MPDZ: variants seen among roughly 807,000 people sequenced by gnomAD.
MPDZ encodes multiple PDZ domain protein.
Under a neutral mutation model 239.1 loss-of-function variants are expected in MPDZ, and 234 were observed. The ratio of observed to expected loss-of-function variants is 0.98; its 90% CI spans 0.88 to 1.09. The LOEUF is 1.09. Ranked by LOEUF, MPDZ falls within the 50% of genes least tolerant of loss-of-function variation. The pLI, the probability that MPDZ is intolerant of heterozygous loss-of-function variation, is 0.00. For synonymous variants in MPDZ, 1,048 were observed against 881.3 expected (o/e 1.19, Z -3.35); for missense variants, 3,175 against 2,510.0 (o/e 1.26, Z -5.66).
intron 27 of MPDZ, among the ~76,000 whole-genome samples, chr9:13,141,539 A>C (rs191059285): frequency 6.6e-6 from 1 of 152,198 alleles, no homozygotes; most frequent in Non-Finnish European, 1.5e-5. Context: ...TTTTTACTGC[A>C]TAAGAATTCC....
At chr9:13,234,904 G>T (rs979312528) in intron 3 of MPDZ, among the ~76,000 whole-genome samples, 1 of 151,938 alleles carries the variant, frequency 6.6e-6, no homozygotes, top group African/African-American at 2.4e-5. Context: ...CAAAAATGCT[G>T]TAAAACACTC....
chr9:13,124,618 G>A (rs1944854041), intron 35 of MPDZ, among the ~76,000 whole-genome samples: 1 of 152,232 alleles, frequency 6.6e-6, no homozygotes, highest in South Asian at 2.1e-4. Context: ...ACACATTAAA[G>A]TGTCACCCTA....
chr9:13,127,143 G>A (rs1945240698), intron 32 of MPDZ, among the ~76,000 whole-genome samples: 2 of 152,128 alleles, frequency 1.3e-5, no homozygotes, highest in South Asian at 2.1e-4. Flanking sequence ...AAAGAATCCC[G>A]CTTCTTCTCT....
At chr9:13,156,260 C>T (rs944554526) in intron 24 of MPDZ, among the ~76,000 whole-genome samples, 1 of 152,164 alleles carries the variant, frequency 6.6e-6, no homozygotes, top group Non-Finnish European at 1.5e-5. Context: ...TAGAAAGTAT[C>T]AGAGCCAAAA....
At chr9:13,248,485 G>A (rs772281917) in intron 2 of MPDZ, among the ~76,000 whole-genome samples, 2 of 151,876 alleles carry the variant, frequency 1.3e-5, no homozygotes, top group African/African-American at 4.8e-5. Context: ...GCATACTTAC[G>A]CCAGACAGTT....
At position 13,172,559 on chromosome 9, in the gene MPDZ, G is replaced by A. The variant is rs1010327884; in HGVS notation, c.3055+3193C>T. Among the ~76,000 whole-genome samples, 13 of 151,996 alleles carry A rather than the reference G, an allele frequency of 8.6e-5. No homozygotes were observed. In the South Asian group the frequency reaches 2.3e-3, roughly 27 times the overall value. On this transcript the variant is annotated intron_variant, in intron 21 of 46. Transcript: ENST00000319217. ...CACCACCACGCTCAGCTAATTTTTTGTATTTTCAGTAGAGACGGGGTTTCG... is the reference window on the plus strand; with the variant it reads ...CACCACCACGCTCAGCTAATTTTTTATATTTTCAGTAGAGACGGGGTTTCG...
chr9:13,189,072 C>A, intron 16 of MPDZ, 79 bp from the exon 17 acceptor site: 1 of 1,216,228 alleles, frequency 8.2e-7, no homozygotes, highest in Non-Finnish European at 1.1e-6. Flanking sequence ...TAAATCGTAA[C>A]GAATGAGTAA....
Position 13,110,656 on chromosome 9 carries a change from A to C in MPDZ, c.5809T>G (p.Ser1937Ala). Reference protein sequence around the residue: ...TQAVNLLKNASGSIEMQVVAG... With the variant: ...TQAVNLLKNAAGSIEMQVVAG... ...CTTACCTGCATTTCAATGGAGCCAG[A>C]TGCATTTTTCAGTAGGTTAACTGCT... Residue 1937 changes from serine (S) to alanine (A), a missense_variant, in exon 44 of 47, where the codon TCT becomes GCT. Physicochemically the swap from Ser to Ala is moderately conservative, Grantham distance 99. Coordinates refer to ENST00000319217, the MANE Select transcript of MPDZ (RefSeq NM_001378778.1). 2 of 1,613,636 alleles carry C rather than the reference A, an allele frequency of 1.2e-6. No homozygotes were observed. The highest frequency in any genetic ancestry group is 1.7e-6 in the Non-Finnish European group (2 of 1,179,690).
At chr9:13,122,217 G>T in intron 36 of MPDZ, 47 bp from the exon 37 acceptor site, 1 of 1,560,076 alleles carries the variant, frequency 6.4e-7, no homozygotes, top group Non-Finnish European at 8.8e-7. Context: ...ATTCTCCTAG[G>T]AATGGTGAGC....
intron 21 of MPDZ, among the ~76,000 whole-genome samples, chr9:13,173,508 A>G (rs949738318): frequency 3.3e-5 from 5 of 151,732 alleles, no homozygotes; most frequent in East Asian, 1.9e-4. Flanking sequence ...TTCAAGACCA[A>G]CCTGGGCAAC....
chr9:13,205,088 TTCA>T lies in MPDZ; in HGVS notation c.1491_1493del (p.Asp497del), dbSNP rs756589652. ...TGTTTCTCGTCGAAGATAAAAAATCTTCATCTTTTTCATAATTTTCTTAAAGAT... is the reference window on the plus strand; with the variant it reads ...TGTTTCTCGTCGAAGATAAAAAATCTTCTTTTTCATAATTTTCTTAAAGAT... On this transcript the variant is annotated inframe_deletion, in exon 12 of 47. Transcript: ENST00000319217. The T allele has an allele frequency of 1.0e-5, 15 of 1,437,212 alleles. No homozygotes were observed. In the African/African-American group the frequency reaches 1.5e-4, roughly 14 times the overall value. The allele number at this position is 1,437,212 out of a possible 1,614,324, so 89.0% of individuals were successfully genotyped here.
At chr9:13,191,742 T>C (rs763931198) in intron 15 of MPDZ, among the ~76,000 whole-genome samples, 8 of 152,190 alleles carry the variant, frequency 5.3e-5, no homozygotes, top group Admixed American at 3.3e-4. Context: ...ATACTTCAGT[T>C]TTCTCTTCTG....
intron 38 of MPDZ, 121 bp downstream of exon 38, chr9:13,121,618 C>T: frequency 1.0e-6 from 1 of 995,722 alleles, no homozygotes; most frequent in Non-Finnish European, 1.5e-6. Flanking sequence ...AGGGGGCTAA[C>T]AACAGCTACC....
rs2134856498 is a variant in MPDZ at position 13,188,933 on chromosome 9, C to T, written c.2215G>A (p.Ala739Thr). 1.2e-6 allele frequency: 2 copies of T among 1,613,440 alleles called. No homozygotes were observed. The highest frequency in any genetic ancestry group is 1.7e-5 in the Admixed American group (1 of 59,982). The change falls in exon 17 of 47, where the codon GCT becomes ACT. Residue 739 changes from alanine (A) to threonine (T), a missense_variant. Physicochemically the swap from Ala to Thr is moderately conservative, Grantham distance 58. Transcript: ENST00000319217. ...GGAAGAAGTCGTCCATCCTTTTCAG[C>T]AATGCCGCCAGGCACCAAAGAACGA... ...IIRSLVPGGI[A>T]EKDGRLLPGD... is the part of the protein sequence containing the mutation.
Position 13,176,759 on chromosome 9 carries a change from C to T in MPDZ, c.2650-342G>A, listed in dbSNP as rs1587537790. On this transcript the variant is annotated intron_variant, in intron 19 of 46. Transcript: ENST00000319217. ...TCAAATTACATAGAAGAGCAAGTAG[C>T]ATACTTCCAAATCTCACTTAAAGTG... Among the ~76,000 whole-genome samples, 4 of 152,048 alleles carry T rather than the reference C, an allele frequency of 2.6e-5. No homozygotes were observed. The East Asian group carries it at 7.7e-4, about 29-fold the overall frequency.
At chr9:13,142,063 TA>T (rs1391815637) in intron 27 of MPDZ, among the ~76,000 whole-genome samples, 1 of 151,992 alleles carries the variant, frequency 6.6e-6, no homozygotes, top group South Asian at 2.1e-4. Context: ...TTTTTCTGGC[TA>T]AAAAAAATTT....
chr9:13,110,365 C>T (rs771337654), intron 44 of MPDZ, among the ~76,000 whole-genome samples: 2 of 152,128 alleles, frequency 1.3e-5, no homozygotes, highest in Admixed American at 1.3e-4. Context: ...CTTGCTAGCA[C>T]CACTTAAAAT....
chr9:13,145,682 G>A (rs931956182), intron 26 of MPDZ, among the ~76,000 whole-genome samples: 9 of 151,858 alleles, frequency 5.9e-5, no homozygotes, highest in Non-Finnish European at 1.2e-4. Context: ...GACTAAACAT[G>A]TCATTCATAA....
chr9:13,158,140 C>G (rs1276207272), intron 23 of MPDZ, 30 bp from the exon 24 acceptor site: 1 of 1,562,952 alleles, frequency 6.4e-7, no homozygotes, highest in South Asian at 1.1e-5. Flanking sequence ...ATGAGTACCC[C>G]AAAATCCTAG....
Sources: gnomAD v4.1 joint callset for allele counts (sites outside exome capture counted in the v4.1 genomes callset) on GRCh38, gnomAD v4.1.1 for gene constraint, MANE v1.5 for transcripts, NCBI Gene and HGNC (gene_info 2026-07-23, HGNC 2026-07-21) for gene names.